SLC13A4: variants seen among roughly 807,000 people sequenced by gnomAD.
SLC13A4 encodes the protein Na(+)/sulfate cotransporter SUT-1.
Under a neutral mutation model 72.7 loss-of-function variants are expected in SLC13A4, and 28 were observed. The ratio of observed to expected loss-of-function variants is 0.39; its 90% CI spans 0.29 to 0.53. SLC13A4 has a LOEUF of 0.53. SLC13A4 is among the 20% of genes least tolerant of loss of function. The pLI, the probability that SLC13A4 is intolerant of heterozygous loss-of-function variation, is 0.78. For synonymous variants in SLC13A4, 312 were observed against 325.5 expected, an observed-to-expected ratio of 0.96 and a Z score of 0.45; for missense variants, 653 against 788.0, an observed-to-expected ratio of 0.83 and a Z score of 2.05.
At chr7:135,697,003 C>T (rs1219099965) in intron 8 of SLC13A4, among the ~76,000 whole-genome samples, 2 of 152,200 alleles carry the variant, frequency 1.3e-5, no homozygotes, top group African/African-American at 4.8e-5. Flanking sequence ...ATATTTATGT[C>T]CTCTGTTCTC....
chr7:135,706,324 C>A (rs774120916), intron 3 of SLC13A4, 24 bp from the exon 4 acceptor site: 14 of 1,582,360 alleles, frequency 8.8e-6, no homozygotes, highest in Non-Finnish European at 8.6e-7. Flanking sequence ...AGGGTTGGGG[C>A]AGAGCGTCCA....
At chr7:135,722,733 AT>A (rs1563172953) in intron 1 of SLC13A4, among the ~76,000 whole-genome samples, 1 of 152,136 alleles carries the variant, frequency 6.6e-6, no homozygotes, top group African/African-American at 2.4e-5. Flanking sequence ...CTGGTTGACC[AT>A]TTCCCCCTTC....
Position 135,691,235 on chromosome 7 carries a change from A to G in SLC13A4, c.1412T>C (p.Val471Ala). The G allele has an allele frequency of 6.2e-7, 1 of 1,612,696 alleles. No individual in the cohort carries two copies. Among genetic ancestry groups the G allele is most frequent in the Non-Finnish European group, 8.5e-7 (1 of 1,179,576 alleles). ...KTMPWEIVIL[V>A]GGGYALASGS... ...AGAAGCCAGAGCATAGCCTCCCCCA[A>G]CCAGAATGACAATCTCCCAGGGCAT... The change falls in exon 13 of 16, where the codon GTT becomes GCT. Residue 471 changes from valine to alanine, a missense_variant. Transcript: ENST00000682651.
rs1331556323 is a variant in SLC13A4 at position 135,708,401 on chromosome 7, GCCGCCCAT to G, written c.229-159_229-152del. The G allele has an allele frequency of 3.9e-6, 4 of 1,038,196 alleles. No homozygotes were observed. In the African/African-American group the frequency reaches 6.4e-5, roughly 17 times the overall value. 64.3% of individuals were successfully genotyped at this position (1,038,196 alleles called of 1,614,324 possible). On this transcript the variant is annotated intron_variant, in intron 2 of 15. Coordinates refer to ENST00000682651, the MANE Select transcript of SLC13A4 (RefSeq NM_001318192.2). Reference sequence around the variant, plus strand: ...CAGGGGGGTGAGGATTATTGAAATAGCCGCCCATCCTAGAGTCACATCTACTGAGCGTT... The same window carrying G: ...CAGGGGGGTGAGGATTATTGAAATAGCCTAGAGTCACATCTACTGAGCGTT...
At chr7:135,726,587 G>A (rs1322986595) in intron 1 of SLC13A4, among the ~76,000 whole-genome samples, 1 of 148,694 alleles carries the variant, frequency 6.7e-6, no homozygotes, top group Non-Finnish European at 1.5e-5. Flanking sequence ...GGGAAGGGAA[G>A]CAGGTGACCA....
At chr7:135,716,425 C>T (rs980673102) in intron 2 of SLC13A4, among the ~76,000 whole-genome samples, 1 of 152,174 alleles carries the variant, frequency 6.6e-6, no homozygotes, top group Admixed American at 6.5e-5. Flanking sequence ...TTGCCTCATC[C>T]TCCTGAGTAG....
At chr7:135,715,186 T>A (rs911784196) in intron 2 of SLC13A4, among the ~76,000 whole-genome samples, 9 of 151,540 alleles carry the variant, frequency 5.9e-5, no homozygotes, top group African/African-American at 2.2e-4. Context: ...TATGGGTATA[T>A]AAGTGTGTAT....
At chr7:135,699,806 C>T (rs1795990453) in intron 7 of SLC13A4, among the ~76,000 whole-genome samples, 1 of 152,168 alleles carries the variant, frequency 6.6e-6, no homozygotes, top group African/African-American at 2.4e-5. Context: ...GCGCTTAGAA[C>T]ACTTCCTGGC....
At chr7:135,724,794 C>T (rs1796620513) in intron 1 of SLC13A4, among the ~76,000 whole-genome samples, 1 of 152,150 alleles carries the variant, frequency 6.6e-6, no homozygotes, top group Non-Finnish European at 1.5e-5. Context: ...CATACAGTTT[C>T]CACTTATTTC....
At chr7:135,693,958 C>A (rs571468712) in intron 10 of SLC13A4, among the ~76,000 whole-genome samples, 179 bp downstream of exon 10, 2 of 152,170 alleles carry the variant, frequency 1.3e-5, no homozygotes, top group Non-Finnish European at 2.9e-5. Flanking sequence ...GAAGGGTGGC[C>A]ACCTGAAATC....
intron 2 of SLC13A4, 144 bp downstream of exon 2, chr7:135,721,251 C>T: frequency 1.1e-6 from 1 of 914,352 alleles, no homozygotes; most frequent in Non-Finnish European, 1.7e-6. Context: ...CTGCAGGTGC[C>T]AAAGCTTAGT....
intron 13 of SLC13A4, among the ~76,000 whole-genome samples, chr7:135,686,558 CAG>C (rs1192912715): frequency 1.3e-5 from 2 of 152,090 alleles, no homozygotes; most frequent in Non-Finnish European, 2.9e-5. Context: ...TTTGTAGAGA[CAG>C]AGTCTTTCCA....
intron 1 of SLC13A4, among the ~76,000 whole-genome samples, chr7:135,725,343 G>A (rs1796633513): frequency 6.6e-6 from 1 of 152,130 alleles, no homozygotes; most frequent in South Asian, 2.1e-4. Flanking sequence ...AATGACTGGG[G>A]GCGCCTTTTA....
In SLC13A4 at chr7:135,699,619, G is replaced by T. The variant is rs185129378; in HGVS notation, c.715-71C>A. On this transcript the variant is annotated intron_variant, in intron 7 of 15. Transcript: ENST00000682651. ...TCTGGCCGAAGCATGAGAGGCAGGA[G>T]GCACCATGGTACAGCGGAAAGGGTT... 298 of 1,396,468 alleles carry T rather than the reference G, an allele frequency of 2.1e-4. No individual in the cohort carries two copies. The African/African-American group carries it at 3.9e-3, about 18-fold the overall frequency. The allele number at this position is 1,396,468 out of a possible 1,614,324, so 86.5% of individuals were successfully genotyped here. A position where few individuals can be genotyped will look rare whatever the true frequency, so the allele number is the denominator to read the frequency against.
At chr7:135,696,047 C>T (rs1795898261) in intron 8 of SLC13A4, among the ~76,000 whole-genome samples, 1 of 152,234 alleles carries the variant, frequency 6.6e-6, no homozygotes, top group African/African-American at 2.4e-5. Flanking sequence ...CATTCATCAG[C>T]AGGCAGAGCT....
At chr7:135,685,995 T>C (rs1002625686) in intron 13 of SLC13A4, among the ~76,000 whole-genome samples, 3 of 152,238 alleles carry the variant, frequency 2.0e-5, no homozygotes, top group African/African-American at 7.2e-5. Context: ...AGATCTTTGC[T>C]CCTCAACTTC....
At chr7:135,723,638 C>A (rs984677253) in intron 1 of SLC13A4, among the ~76,000 whole-genome samples, 1 of 152,088 alleles carries the variant, frequency 6.6e-6, no homozygotes, top group Non-Finnish European at 1.5e-5. Context: ...GTTTATGGCC[C>A]CTTGAGTTCA....
At chr7:135,719,780 C>CGTGTGTGTGT (rs535749594) in intron 2 of SLC13A4, among the ~76,000 whole-genome samples, 109 of 138,630 alleles carry the variant, frequency 7.9e-4, no homozygotes, top group African/African-American at 2.9e-3. Context: ...CTCAATGCCA[C>CGTGTGTGTGT]ATGTGTGTGT....
intron 5 of SLC13A4, chr7:135,704,604 G>A (rs1374757812): frequency 1.4e-5 from 2 of 147,584 alleles, no homozygotes; most frequent in Non-Finnish European, 3.0e-5. Flanking sequence ...CAGGCCTAGG[G>A]TGAGGGGTGG....
Sources: allele counts gnomAD v4.1 joint callset (sites outside exome capture counted in the v4.1 genomes callset), GRCh38; gene constraint gnomAD v4.1.1; transcripts MANE v1.5; gene names NCBI Gene and HGNC (gene_info 2026-07-23, HGNC 2026-07-21).